PIAS2: variants seen among roughly 807,000 people sequenced by gnomAD.
PIAS2 encodes E3 SUMO-protein ligase PIAS2.
In PIAS2, 19 loss-of-function variants were observed where a neutral mutation model predicts 69.7. The ratio of observed to expected loss-of-function variants is 0.27; its 90% CI spans 0.19 to 0.40. The LOEUF (loss-of-function observed/expected upper bound fraction) is 0.40, where lower values mean the gene tolerates loss of function less well. Ranked by LOEUF, PIAS2 falls within the 10% of genes least tolerant of loss-of-function variation. PIAS2 has a pLI of 1.00. For missense variants in PIAS2, 624 were observed against 757.0 expected (o/e 0.82, Z 2.06); for synonymous variants, 261 against 263.2 (o/e 0.99, Z 0.08).
In PIAS2 at chr18:46,812,235, A is replaced by G; in HGVS notation, c.*198T>C. 1 of 503,648 alleles carries G rather than the reference A, an allele frequency of 2.0e-6. No homozygotes were observed. The highest frequency in any genetic ancestry group is 3.3e-5 in the South Asian group (1 of 30,582). 31.2% of individuals were successfully genotyped at this position (503,648 alleles called of 1,614,324 possible). On this transcript the variant is annotated 3_prime_UTR_variant, in exon 14 of 14. Transcript: ENST00000585916. ...GTATCTGATGCTGAGAGTACAGCAT[A>G]ATTAAGAAAAATCCTTGCATGTCAT...
Position 46,872,288 on chromosome 18 carries a change from C to G in PIAS2, c.500-8040G>C, listed in dbSNP as rs56009869. 6.8e-3 allele frequency among the ~76,000 whole-genome samples: 1,031 copies of G among 152,336 alleles called. 6 individuals carry two copies. Among genetic ancestry groups the G allele is most frequent in the Non-Finnish European group, 0.011 (746 of 68,038 alleles). On this transcript the variant is annotated intron_variant, in intron 2 of 13. Coordinates refer to ENST00000585916, the MANE Select transcript of PIAS2 (RefSeq NM_004671.5). Reference sequence around the variant, plus strand: ...ATACCATATGACCATCAATGGTTTACAGTGATAGACTTAAAAGACACCTTC... The same window carrying G: ...ATACCATATGACCATCAATGGTTTAGAGTGATAGACTTAAAAGACACCTTC...
At position 46,803,759 on chromosome 18, in the gene PIAS2, T is replaced by A. The variant is rs1166234358; in HGVS notation, c.*8674A>T. The A allele has an allele frequency of 6.6e-6, 1 of 152,226 alleles. No homozygotes were observed. Among genetic ancestry groups the A allele is most frequent in the Non-Finnish European group, 1.5e-5 (1 of 68,046 alleles). 9.4% of individuals were successfully genotyped at this position (152,226 alleles called of 1,614,324 possible). A position where few individuals can be genotyped will look rare whatever the true frequency, so the allele number is the denominator to read the frequency against. ...CCCAGATAAGGTGGTCCTCAGTACA[T>A]AACCTAGAGTAGATCATATGAAGAA... On this transcript the variant is annotated 3_prime_UTR_variant, in exon 14 of 14. Coordinates refer to ENST00000585916, the MANE Select transcript of PIAS2 (RefSeq NM_004671.5).
chr18:46,816,278 G>A (rs1389759631), intron 12 of PIAS2: 1 of 967,594 alleles, frequency 1.0e-6, no homozygotes, highest in Non-Finnish European at 1.2e-6. Flanking sequence ...GAGAATATCA[G>A]TGGGTACATT....
At chr18:46,901,036 G>A (rs968767724) in intron 1 of PIAS2, 3 of 410,582 alleles carry the variant, frequency 7.3e-6, no homozygotes, top group Non-Finnish European at 1.4e-5. Context: ...ATTTCTTCCA[G>A]AAAACAGAAG....
chr18:46,901,404 T>C (rs1259931444), intron 1 of PIAS2: 1 of 160,366 alleles, frequency 6.2e-6, no homozygotes, highest in Non-Finnish European at 1.4e-5. Flanking sequence ...AGCAAAACTG[T>C]CTCCAAAAAA....
intron 2 of PIAS2, among the ~76,000 whole-genome samples, chr18:46,867,689 C>G (rs879911228): frequency 1.8e-4 from 28 of 152,196 alleles, no homozygotes; most frequent in Admixed American, 1.2e-3. Context: ...AATGTAGATT[C>G]TATTTTCCAA....
At chr18:46,864,074 C>G (rs2049056319) in intron 3 of PIAS2, 90 bp downstream of exon 3, 1 of 717,196 alleles carries the variant, frequency 1.4e-6, no homozygotes, top group South Asian at 2.0e-5. Context: ...CTGTTGTTTA[C>G]ACTGTCCAGT....
intron 2 of PIAS2, among the ~76,000 whole-genome samples, chr18:46,879,004 G>A (rs12454951): frequency 6.6e-6 from 1 of 152,156 alleles, no homozygotes; most frequent in Non-Finnish European, 1.5e-5. Context: ...AAATGGCTCA[G>A]TCTAGCCAAT....
chr18:46,818,468 T>C (rs772824278), intron 12 of PIAS2: 3 of 1,549,894 alleles, frequency 1.9e-6, no homozygotes, highest in African/African-American at 1.4e-5. Context: ...AGAAGATTCA[T>C]GTTTATGATG....
chr18:46,920,079 G>T, upstream of PIAS2: 1 of 1,289,700 alleles, frequency 7.8e-7, no homozygotes, highest in Non-Finnish European at 1.0e-6. Context: ...CTTTGTAGTT[G>T]CTTCCCAGCA....
chr18:46,902,719 T>A (rs1014098333), intron 1 of PIAS2, among the ~76,000 whole-genome samples: 1 of 152,212 alleles, frequency 6.6e-6, no homozygotes. Flanking sequence ...ATGAGATTAT[T>A]CTAAAATGTA....
intron 5 of PIAS2, chr18:46,853,554 G>T (rs1203876093): frequency 6.6e-6 from 1 of 152,370 alleles, no homozygotes; most frequent in Non-Finnish European, 1.5e-5. Context: ...CACTTTGGGA[G>T]GCCAAGGCAG....
At chr18:46,860,351 A>G (rs984050487) in intron 3 of PIAS2, among the ~76,000 whole-genome samples, 1 of 152,246 alleles carries the variant, frequency 6.6e-6, no homozygotes, top group Admixed American at 6.5e-5. Context: ...AGAATGTACA[A>G]TATGCTAGAT....
intron 8 of PIAS2, among the ~76,000 whole-genome samples, chr18:46,842,133 G>C (rs778585851): frequency 2.6e-5 from 4 of 151,912 alleles, no homozygotes; most frequent in Non-Finnish European, 5.9e-5. Flanking sequence ...GGCTGAGATG[G>C]GAAGATCACT....
At chr18:46,909,845 T>C (rs1322592911) in intron 1 of PIAS2, among the ~76,000 whole-genome samples, 1 of 152,150 alleles carries the variant, frequency 6.6e-6, no homozygotes, top group Non-Finnish European at 1.5e-5. Context: ...ACAGTTTTTT[T>C]CTCTTCATTT....
At chr18:46,822,909 T>C (rs1167514159) in intron 11 of PIAS2, among the ~76,000 whole-genome samples, 1 of 152,054 alleles carries the variant, frequency 6.6e-6, no homozygotes, top group East Asian at 1.9e-4. Context: ...AATATATATA[T>C]AAAGTTTCAT....
intron 12 of PIAS2, chr18:46,818,596 G>C (rs1382230131): frequency 1.6e-6 from 1 of 613,336 alleles, no homozygotes; most frequent in Non-Finnish European, 2.3e-6. Flanking sequence ...TTCACAGTAT[G>C]ACTAACTACA....
At chr18:46,916,921 A>T in intron 1 of PIAS2, 2 of 985,550 alleles carry the variant, frequency 2.0e-6, no homozygotes, top group Non-Finnish European at 2.4e-6. Flanking sequence ...AGTGAGTAGC[A>T]TGCAGACTTG....
chr18:46,846,619 G>A (rs1016501814), intron 6 of PIAS2, 88 bp downstream of exon 6: 22 of 1,275,496 alleles, frequency 1.7e-5, no homozygotes, highest in Non-Finnish European at 2.1e-5. Context: ...AAAACAGAAA[G>A]AGCTGAAGCC....
Sources: allele counts gnomAD v4.1 joint callset (sites outside exome capture counted in the v4.1 genomes callset), GRCh38; gene constraint gnomAD v4.1.1; transcripts MANE v1.5; gene names NCBI Gene and HGNC (gene_info 2026-07-23, HGNC 2026-07-21).